Variants in SCAMP1 observed in about 807,000 individuals in gnomAD.
SCAMP1 encodes secretory carrier-associated membrane protein 1.
SCAMP1 carries 15 observed loss-of-function variants against 41.8 expected under a neutral mutation model. That is an observed-to-expected ratio of 0.36 (90% CI 0.24 to 0.55). The LOEUF (loss-of-function observed/expected upper bound fraction) is 0.55, where lower values mean the gene tolerates loss of function less well. SCAMP1 is among the 20% of genes least tolerant of loss of function. SCAMP1 has a pLI of 0.86. For synonymous variants in SCAMP1, 135 were observed against 136.8 expected, an observed-to-expected ratio of 0.99 and a Z score of 0.09; for missense variants, 341 against 412.6, an observed-to-expected ratio of 0.83 and a Z score of 1.50.
At chr5:78,450,282 G>A (rs1249202844) in intron 7 of SCAMP1, among the ~76,000 whole-genome samples, 2 of 152,052 alleles carry the variant, frequency 1.3e-5, no homozygotes, top group Non-Finnish European at 2.9e-5. Flanking sequence ...TGTATGTAAG[G>A]GCGCTAAGAG....
At position 78,449,974 on chromosome 5, in the gene SCAMP1, A is replaced by G. The variant is rs368063973; in HGVS notation, c.674A>G (p.Tyr225Cys). Residue 225 changes from tyrosine (Y) to cysteine (C), a missense_variant, in exon 7 of 9, where the codon TAT becomes TGT. By Grantham distance (194) the Tyr-to-Cys change is radical. Coordinates refer to ENST00000621999, the MANE Select transcript of SCAMP1 (RefSeq NM_004866.6). The part of the protein sequence containing the change: ...SFRFFVFFFV[Y>C]ICQFAVHVLQ... ...AGATTCTTTGTATTCTTCTTCGTCTATATTTGTCAGTTTGCTGTACATGTA... is the reference window on the plus strand; with the variant it reads ...AGATTCTTTGTATTCTTCTTCGTCTGTATTTGTCAGTTTGCTGTACATGTA... 5.1e-6 allele frequency: 8 copies of G among 1,563,780 alleles called. No individual in the cohort carries two copies. In the African/African-American group the frequency reaches 7.4e-5, roughly 14 times the overall value.
At chr5:78,397,084 GAT>G (rs1751671282) in intron 2 of SCAMP1, among the ~76,000 whole-genome samples, 1 of 152,102 alleles carries the variant, frequency 6.6e-6, no homozygotes, top group South Asian at 2.1e-4. Context: ...AGGAGGTTAA[GAT>G]AAAGTTTTGT....
At chr5:78,382,222 C>T (rs1751220358) in intron 1 of SCAMP1, among the ~76,000 whole-genome samples, 1 of 152,098 alleles carries the variant, frequency 6.6e-6, no homozygotes, top group South Asian at 2.1e-4. Flanking sequence ...ACTAGAAATT[C>T]GAAGGTTAGC....
intron 6 of SCAMP1, among the ~76,000 whole-genome samples, chr5:78,439,341 A>C (rs1752855630): frequency 6.6e-6 from 1 of 152,166 alleles, no homozygotes; most frequent in African/African-American, 2.4e-5. Flanking sequence ...ATGTTTTTGC[A>C]GTGGCTGGTA....
In SCAMP1 at chr5:78,367,001, A is replaced by G. The variant is rs561542517; in HGVS notation, c.57+6273A>G. On this transcript the variant is annotated intron_variant, in intron 1 of 8. Transcript: ENST00000621999. ...TTTGGAGATTGGATAGCACTAGGAA[A>G]GTATTCTGAGGATTTCCTTTGTGAT... is the stretch of plus-strand genomic sequence containing the variant. 2.9e-3 allele frequency among the ~76,000 whole-genome samples: 443 copies of G among 152,202 alleles called. 5 individuals carry two copies. The highest frequency in any genetic ancestry group is 9.8e-3 in the African/African-American group (406 of 41,538).
At chr5:78,446,020 A>G (rs1753043682) in intron 6 of SCAMP1, among the ~76,000 whole-genome samples, 4 of 152,226 alleles carry the variant, frequency 2.6e-5, no homozygotes, top group African/African-American at 7.2e-5. Context: ...AAAAGTTGGT[A>G]AAATGAAATA....
chr5:78,451,692 C>CAA (rs1753234721), intron 7 of SCAMP1, among the ~76,000 whole-genome samples: 2 of 152,204 alleles, frequency 1.3e-5, no homozygotes, highest in African/African-American at 2.4e-5. Context: ...GAGTCTCGCC[C>CAA]TATCACCCAG....
At chr5:78,440,520 A>G (rs575656784) in intron 6 of SCAMP1, among the ~76,000 whole-genome samples, 17 of 152,336 alleles carry the variant, frequency 1.1e-4, no homozygotes, top group African/African-American at 2.4e-4. Flanking sequence ...GCTGCAGAAC[A>G]TCAAATATTG....
chr5:78,391,890 G>T (rs889837329), intron 2 of SCAMP1, among the ~76,000 whole-genome samples: 2 of 152,138 alleles, frequency 1.3e-5, no homozygotes, highest in African/African-American at 2.4e-5. Context: ...GCCTGCAATC[G>T]CAGGCACTCG....
At chr5:78,376,565 A>G (rs1751070582) in intron 1 of SCAMP1, among the ~76,000 whole-genome samples, 2 of 152,202 alleles carry the variant, frequency 1.3e-5, no homozygotes, top group Admixed American at 6.5e-5. Flanking sequence ...CAATCTGTTC[A>G]ATAAATGATT....
At chr5:78,434,303 C>T (rs1399140013) in intron 6 of SCAMP1, among the ~76,000 whole-genome samples, 1 of 152,158 alleles carries the variant, frequency 6.6e-6, no homozygotes, top group East Asian at 1.9e-4. Context: ...AAGTGCTAGT[C>T]TTTTATCTCT....
chr5:78,473,277 T>G (rs1215402527), intron 8 of SCAMP1, among the ~76,000 whole-genome samples: 2 of 152,132 alleles, frequency 1.3e-5, no homozygotes, highest in Non-Finnish European at 2.9e-5. Context: ...CTGTGTGGGT[T>G]ATTTTTGTCT....
At chr5:78,363,162 G>A (rs1459394741) in intron 1 of SCAMP1, among the ~76,000 whole-genome samples, 1 of 151,512 alleles carries the variant, frequency 6.6e-6, no homozygotes, top group African/African-American at 2.4e-5. Context: ...AAAGTGCTGG[G>A]ATTACGGGCG....
intron 7 of SCAMP1, among the ~76,000 whole-genome samples, chr5:78,451,689 G>A (rs75328041): frequency 0.048 from 7,373 of 152,124 alleles, 391 homozygotes; most frequent in East Asian, 0.3. Context: ...ACAGAGTCTC[G>A]CCCTATCACC....
At chr5:78,389,345 G>C (rs950121495) in intron 2 of SCAMP1, among the ~76,000 whole-genome samples, 2 of 152,134 alleles carry the variant, frequency 1.3e-5, no homozygotes, top group Non-Finnish European at 2.9e-5. Flanking sequence ...AATAGTACTA[G>C]CCTTCTGTTC....
intron 2 of SCAMP1, among the ~76,000 whole-genome samples, chr5:78,391,368 G>A (rs1369938463): frequency 2.7e-5 from 4 of 150,504 alleles, no homozygotes; most frequent in African/African-American, 4.9e-5. Flanking sequence ...GGGCAGAGGC[G>A]CCCCTCACCT....
At chr5:78,371,702 T>C (rs559224843) in intron 1 of SCAMP1, among the ~76,000 whole-genome samples, 1 of 152,370 alleles carries the variant, frequency 6.6e-6, no homozygotes, top group East Asian at 1.9e-4. Context: ...AGAATGTAAT[T>C]ATGAACACAT....
At chr5:78,367,612 C>A (rs10065260) in intron 1 of SCAMP1, among the ~76,000 whole-genome samples, 68,034 of 152,120 alleles carry the variant, frequency 0.45, 16,025 homozygotes, top group Non-Finnish European at 0.5. Context: ...TTGGTCAAAA[C>A]AAGGCACAAG....
chr5:78,388,662 G>A (rs1456554598), intron 1 of SCAMP1, among the ~76,000 whole-genome samples, 175 bp from the exon 2 acceptor site: 1 of 152,180 alleles, frequency 6.6e-6, no homozygotes, highest in Non-Finnish European at 1.5e-5. Context: ...GGTTGTATGG[G>A]TTTAAATTTC....
Sources: allele counts gnomAD v4.1 joint callset (sites outside exome capture counted in the v4.1 genomes callset), GRCh38; gene constraint gnomAD v4.1.1; transcripts MANE v1.5; gene names NCBI Gene and HGNC (gene_info 2026-07-23, HGNC 2026-07-21).